Variants in DCC observed in about 807,000 individuals in gnomAD.
The protein encoded by DCC is DCC netrin 1 receptor.
In DCC, 58 loss-of-function variants were observed where a neutral mutation model predicts 172.5. The ratio of observed to expected loss-of-function variants is 0.34; its 90% CI spans 0.27 to 0.42. The LOEUF (loss-of-function observed/expected upper bound fraction) is 0.42, where lower values mean the gene tolerates loss of function less well. DCC is among the 10% of genes least tolerant of loss of function. The pLI is 1.00. For synonymous variants in DCC, 709 were observed against 644.5 expected (o/e 1.10, Z -1.52); for missense variants, 1,740 against 1,791.0 (o/e 0.97, Z 0.51).
At chr18:53,226,936 A>G (rs371899121) in intron 12 of DCC, among the ~76,000 whole-genome samples, 32 of 58,072 alleles carry the variant, frequency 5.5e-4, no homozygotes, top group African/African-American at 1.5e-3. Context: ...GTGTGTGTGT[A>G]TATATATATA....
intron 12 of DCC, among the ~76,000 whole-genome samples, chr18:53,248,978 T>C (rs1598945672): frequency 6.6e-6 from 1 of 152,064 alleles, no homozygotes; most frequent in Non-Finnish European, 1.5e-5. Flanking sequence ...TTTTACCTTA[T>C]GTGGATGGAA....
chr18:52,801,569 A>G (rs1426075085), intron 2 of DCC, among the ~76,000 whole-genome samples: 4 of 152,238 alleles, frequency 2.6e-5, no homozygotes, highest in Admixed American at 2.0e-4. Context: ...TTAAAAGTCT[A>G]TCTATGTTTC....
At chr18:52,519,413 T>G (rs1442696940) in intron 1 of DCC, among the ~76,000 whole-genome samples, 1 of 152,166 alleles carries the variant, frequency 6.6e-6, no homozygotes, top group Non-Finnish European at 1.5e-5. Context: ...CCCCAGGGAA[T>G]GGATGCTTAT....
At chr18:53,296,512 A>G (rs1452298790) in intron 12 of DCC, among the ~76,000 whole-genome samples, 1 of 152,180 alleles carries the variant, frequency 6.6e-6, no homozygotes, top group Non-Finnish European at 1.5e-5. Flanking sequence ...ATTCAGGGTC[A>G]CACACTGACC....
At chr18:53,140,787 G>A (rs12966884) in intron 7 of DCC, among the ~76,000 whole-genome samples, 8,128 of 151,978 alleles carry the variant, frequency 0.053, 289 homozygotes, top group East Asian at 0.11. Context: ...ATTAAAGATT[G>A]GAAAGGGAAG....
chr18:53,129,380 T>C (rs1019368968), intron 7 of DCC, among the ~76,000 whole-genome samples: 1 of 152,094 alleles, frequency 6.6e-6, no homozygotes, highest in Non-Finnish European at 1.5e-5. Flanking sequence ...TTCACTGAAT[T>C]TTGACAATTT....
intron 7 of DCC, among the ~76,000 whole-genome samples, chr18:53,145,259 G>T (rs1043850727): frequency 6.6e-6 from 1 of 151,784 alleles, no homozygotes; most frequent in Non-Finnish European, 1.5e-5. Flanking sequence ...GACTACAGTC[G>T]CCCGCCACCA....
chr18:53,391,040 T>C (rs1308962613), intron 16 of DCC, among the ~76,000 whole-genome samples: 1 of 152,198 alleles, frequency 6.6e-6, no homozygotes, highest in Admixed American at 6.5e-5. Flanking sequence ...GTGTACCTGG[T>C]CACTCTGGTT....
chr18:52,399,405 A>G (rs925495713), intron 1 of DCC, among the ~76,000 whole-genome samples: 1 of 151,884 alleles, frequency 6.6e-6, no homozygotes, highest in Non-Finnish European at 1.5e-5. Context: ...TCCTTTTGTT[A>G]TTTAAACACA....
intron 1 of DCC, among the ~76,000 whole-genome samples, chr18:52,342,684 T>C (rs1305862812): frequency 6.6e-6 from 1 of 152,186 alleles, no homozygotes; most frequent in African/African-American, 2.4e-5. Flanking sequence ...GCAGCACTGC[T>C]GACCTGAAAT....
chr18:52,498,611 G>A (rs546816283), intron 1 of DCC, among the ~76,000 whole-genome samples: 2 of 152,152 alleles, frequency 1.3e-5, no homozygotes, highest in East Asian at 3.9e-4. Flanking sequence ...GACACAGAGC[G>A]AGACTCTGTC....
intron 15 of DCC, among the ~76,000 whole-genome samples, chr18:53,353,268 C>A: frequency 7.2e-6 from 1 of 139,352 alleles, no homozygotes; most frequent in African/African-American, 2.5e-5. Flanking sequence ...GAGTGAAACT[C>A]CACTTGAGAG....
chr18:53,197,932 T>TA (rs1165652936), intron 9 of DCC, among the ~76,000 whole-genome samples: 1 of 152,104 alleles, frequency 6.6e-6, no homozygotes, highest in Non-Finnish European at 1.5e-5. Context: ...CAACATCCTA[T>TA]AAAACCTAAA....
At chr18:52,869,390 C>T (rs550148330) in intron 2 of DCC, among the ~76,000 whole-genome samples, 1 of 152,296 alleles carries the variant, frequency 6.6e-6, no homozygotes, top group African/African-American at 2.4e-5. Context: ...TCTGGTTGAG[C>T]CCAGGGCTTT....
At chr18:53,443,526 T>C (rs779970230) in intron 22 of DCC, among the ~76,000 whole-genome samples, 108 of 152,336 alleles carry the variant, frequency 7.1e-4, no homozygotes, top group Middle Eastern at 3.4e-3. Context: ...TAATGCTGTT[T>C]TCATGCCTGC....
chr18:52,719,200 G>T (rs933380782), intron 1 of DCC, among the ~76,000 whole-genome samples: 6 of 109,964 alleles, frequency 5.5e-5, no homozygotes, highest in East Asian at 3.2e-4. Flanking sequence ...AACACAGGAT[G>T]ATTTCATCCT....
intron 2 of DCC, among the ~76,000 whole-genome samples, chr18:52,861,113 G>A (rs2039135924): frequency 6.6e-6 from 1 of 151,864 alleles, no homozygotes; most frequent in Non-Finnish European, 1.5e-5. Flanking sequence ...GCCAAGCTAA[G>A]TATTTGGCAT....
chr18:53,025,744 T>C (rs962004009), intron 5 of DCC, among the ~76,000 whole-genome samples: 2 of 151,018 alleles, frequency 1.3e-5, no homozygotes, highest in African/African-American at 4.9e-5. Context: ...GACTGGAGAA[T>C]ATAAGATTAA....
intron 1 of DCC, among the ~76,000 whole-genome samples, chr18:52,708,208 G>T (rs926913945): frequency 6.6e-6 from 1 of 152,092 alleles, no homozygotes; most frequent in Admixed American, 6.5e-5. Context: ...TTGGGAGGCC[G>T]AGATGGATGG....
Sources: allele counts gnomAD v4.1 joint callset (sites outside exome capture counted in the v4.1 genomes callset), GRCh38; gene constraint gnomAD v4.1.1; transcripts MANE v1.5; gene names NCBI Gene and HGNC (gene_info 2026-07-23, HGNC 2026-07-21).